Variants in GRAMD4 observed in about 807,000 individuals in gnomAD.
The protein encoded by GRAMD4 is GRAM domain-containing protein 4.
In GRAMD4, 25 loss-of-function variants were observed where a neutral mutation model predicts 83.9. That is an observed-to-expected ratio of 0.30 (90% CI 0.22 to 0.42). The LOEUF is 0.42. Among genes scored for constraint, GRAMD4 ranks in the 10% least tolerant of loss-of-function variants. The pLI is 1.00. For missense variants in GRAMD4, 593 were observed against 788.7 expected (o/e 0.75, Z 2.97); for synonymous variants, 336 against 320.9 (o/e 1.05, Z -0.50).
At chr22:46,615,378 T>C (rs1272341134) in intron 1 of GRAMD4, among the ~76,000 whole-genome samples, 1 of 46,930 alleles carries the variant, frequency 2.1e-5, no homozygotes, top group Non-Finnish European at 4.5e-5. Flanking sequence ...CCCCTGTGTG[T>C]AGGTTCCCCT....
chr22:46,603,464 C>T (rs1357210173), intron 1 of GRAMD4, among the ~76,000 whole-genome samples: 2 of 149,496 alleles, frequency 1.3e-5, no homozygotes, highest in African/African-American at 2.5e-5. Context: ...CCGCCTCCGC[C>T]TCCCAAAGTG....
At chr22:46,604,861 C>G (rs1024678771) in intron 1 of GRAMD4, among the ~76,000 whole-genome samples, 23 of 135,824 alleles carry the variant, frequency 1.7e-4, no homozygotes, top group Middle Eastern at 4.4e-3. Context: ...CCATAATGTT[C>G]TCTGGGTTCA....
intron 1 of GRAMD4, among the ~76,000 whole-genome samples, chr22:46,586,261 C>T (rs1158794833): frequency 6.6e-6 from 1 of 152,210 alleles, no homozygotes; most frequent in African/African-American, 2.4e-5. Context: ...TCCTTCCTTG[C>T]CCTGGCTCCT....
In GRAMD4 at chr22:46,644,303, G is replaced by A. The variant is rs141063561; in HGVS notation, c.283+6343G>A. ...TCCATGTTACACCTGTCCCTGTTCCGTGTTACACCTGCCCCTGTTCCGTGT... is the reference window on the plus strand; with the variant it reads ...TCCATGTTACACCTGTCCCTGTTCCATGTTACACCTGCCCCTGTTCCGTGT... On this transcript the variant is annotated intron_variant, in intron 3 of 18. Coordinates refer to ENST00000406902, the MANE Select transcript of GRAMD4 (RefSeq NM_015124.5). 4.8e-3 allele frequency among the ~76,000 whole-genome samples: 721 copies of A among 149,932 alleles called. 3 individuals are homozygous for A. The highest frequency in any genetic ancestry group is 0.017 in the African/African-American group (691 of 40,554).
intron 1 of GRAMD4, among the ~76,000 whole-genome samples, chr22:46,601,626 T>A (rs2081313244): frequency 6.6e-6 from 1 of 151,932 alleles, no homozygotes; most frequent in Non-Finnish European, 1.5e-5. Context: ...TGAAACCCCA[T>A]CTCTACTAAA....
At chr22:46,643,504 A>T (rs893021490) in intron 3 of GRAMD4, among the ~76,000 whole-genome samples, 1 of 152,232 alleles carries the variant, frequency 6.6e-6, no homozygotes, top group Non-Finnish European at 1.5e-5. Context: ...AAAATCAGGA[A>T]ATTAACATTG....
intron 2 of GRAMD4, among the ~76,000 whole-genome samples, chr22:46,627,545 A>G (rs1392037581): frequency 6.6e-6 from 1 of 152,058 alleles, no homozygotes; most frequent in Non-Finnish European, 1.5e-5. Flanking sequence ...CCTTGCAGAA[A>G]CTTGCATTTG....
chr22:46,674,546 G>A lies in GRAMD4; in HGVS notation c.1385-111G>A, dbSNP rs1012458226. 2.3e-5 allele frequency: 19 copies of A among 810,146 alleles called. No individual in the cohort carries two copies. The African/African-American group carries it at 2.7e-4, about 11-fold the overall frequency. 50.2% of individuals were successfully genotyped at this position (810,146 alleles called of 1,614,324 possible). On this transcript the variant is annotated intron_variant, in intron 15 of 18. Coordinates refer to ENST00000406902, the MANE Select transcript of GRAMD4 (RefSeq NM_015124.5). ...TCCTCTCACTGTGGGTGTGACGTGA[G>A]CGCGGTGGGCGGATGTCAGGATCTG...
chr22:46,629,008 A>G (rs1006523322), intron 2 of GRAMD4, among the ~76,000 whole-genome samples: 3 of 152,012 alleles, frequency 2.0e-5, no homozygotes, highest in Non-Finnish European at 4.4e-5. Flanking sequence ...GAGGGAGCCC[A>G]CCGAGTAGGG....
chr22:46,669,362 C>T (rs2082463036), intron 13 of GRAMD4, among the ~76,000 whole-genome samples: 1 of 152,028 alleles, frequency 6.6e-6, no homozygotes, highest in Non-Finnish European at 1.5e-5. Context: ...CTAAAACACT[C>T]ATCTGCAGAG....
chr22:46,591,137 G>A (rs1047722715), intron 1 of GRAMD4, among the ~76,000 whole-genome samples: 2 of 152,194 alleles, frequency 1.3e-5, no homozygotes, highest in Non-Finnish European at 2.9e-5. Context: ...CCTAAGGTGG[G>A]AAACTGCTGC....
At chr22:46,603,445 G>A (rs1476970802) in intron 1 of GRAMD4, among the ~76,000 whole-genome samples, 16 of 146,594 alleles carry the variant, frequency 1.1e-4, no homozygotes, top group Admixed American at 6.9e-4. Context: ...TCCTGACCTC[G>A]TGATCCGCCC....
intron 1 of GRAMD4, among the ~76,000 whole-genome samples, chr22:46,603,201 G>GTTTTTTTTTTTTTT (rs569545888): frequency 6.7e-5 from 6 of 89,416 alleles, no homozygotes; most frequent in African/African-American, 2.8e-4. Flanking sequence ...ATCTTCTCTT[G>GTTTTTTTTTTTTTT]TTTTTTTTTT....
chr22:46,637,161 C>T (rs1035086277), intron 2 of GRAMD4, among the ~76,000 whole-genome samples: 5 of 152,056 alleles, frequency 3.3e-5, no homozygotes, highest in African/African-American at 4.8e-5. Flanking sequence ...GCCGGACACA[C>T]GGGGCCAGCA....
intron 1 of GRAMD4, among the ~76,000 whole-genome samples, chr22:46,588,737 G>T (rs1271277552): frequency 1.3e-5 from 2 of 152,192 alleles, no homozygotes; most frequent in Admixed American, 6.5e-5. Context: ...CATCCCCGGG[G>T]TCCTTAGGCT....
chr22:46,661,976 A>G (rs533963869), intron 5 of GRAMD4, among the ~76,000 whole-genome samples: 3 of 152,358 alleles, frequency 2.0e-5, no homozygotes, highest in Non-Finnish European at 2.9e-5. Context: ...CCTGGGGGTC[A>G]GCAAACTCCA....
At chr22:46,669,395 G>A (rs2082463606) in intron 13 of GRAMD4, among the ~76,000 whole-genome samples, 1 of 152,134 alleles carries the variant, frequency 6.6e-6, no homozygotes, top group South Asian at 2.1e-4. Flanking sequence ...AAGGAGGGTG[G>A]CTGGCGGTGA....
chr22:46,586,122 A>C (rs13053746), intron 1 of GRAMD4, among the ~76,000 whole-genome samples: 45 of 152,094 alleles, frequency 3.0e-4, no homozygotes, highest in Non-Finnish European at 5.7e-4. Flanking sequence ...CCTAGAGCAC[A>C]GCCCGGGGAG....
chr22:46,645,891 TCAC>T (rs1283164416), intron 3 of GRAMD4, among the ~76,000 whole-genome samples: 1 of 152,230 alleles, frequency 6.6e-6, no homozygotes, highest in Non-Finnish European at 1.5e-5. Context: ...TGGTCACTAG[TCAC>T]CTGCTGCGCG....
Sources: allele counts gnomAD v4.1 joint callset (sites outside exome capture counted in the v4.1 genomes callset), GRCh38; gene constraint gnomAD v4.1.1; transcripts MANE v1.5; gene names NCBI Gene and HGNC (gene_info 2026-07-23, HGNC 2026-07-21).